Variants in MAPDA observed in about 807,000 individuals in gnomAD.
MAPDA encodes N6-Methyl-AMP deaminase, also known as N6,N6-dimethyl-AMP deaminase.
At chr15:43,348,018 G>T in the MAPDA span, among the ~76,000 whole-genome samples, 2 of 152,240 alleles carry the variant, frequency 1.3e-5, no homozygotes, top group Admixed American at 1.3e-4. Context: ...TAGCATGTGT[G>T]ACAGTGACCA....
chr15:43,350,942 ACT>A, the MAPDA span: 1 of 1,551,060 alleles, frequency 6.4e-7, no homozygotes, highest in Middle Eastern at 1.7e-4. Flanking sequence ...TTCATCTAGA[ACT>A]CTGTTTGACC....
chr15:43,353,289 AAACAAAAAAC>A, the MAPDA span: 1 of 151,702 alleles, frequency 6.6e-6, no homozygotes, highest in Non-Finnish European at 1.5e-5. Flanking sequence ...ACAAACAAAC[AAACAAAAAAC>A]AAAAACAAAA....
chr15:43,337,416 G>A, the MAPDA span, among the ~76,000 whole-genome samples: 1,544 of 152,260 alleles, frequency 0.01, 28 homozygotes, highest in African/African-American at 0.035. Context: ...AGCTTAGAGA[G>A]TAAGTGATTA....
the MAPDA span, among the ~76,000 whole-genome samples, chr15:43,343,989 C>T: frequency 6.6e-6 from 1 of 151,814 alleles, no homozygotes; most frequent in African/African-American, 2.4e-5. Flanking sequence ...TCATATATTA[C>T]AATACTGTTT....
chr15:43,333,775 C>A, the MAPDA span, among the ~76,000 whole-genome samples: 1 of 152,216 alleles, frequency 6.6e-6, no homozygotes, highest in East Asian at 1.9e-4. Context: ...TTGTCACATA[C>A]CTGTTAGGTT....
chr15:43,350,926 C>T, the MAPDA span: 1 of 1,542,994 alleles, frequency 6.5e-7, no homozygotes, highest in Non-Finnish European at 8.8e-7. Flanking sequence ...AGGTTTTTTT[C>T]CCCTTTTCAT....
chr15:43,342,921 A>T, the MAPDA span: 2 of 1,108,998 alleles, frequency 1.8e-6, no homozygotes, highest in Non-Finnish European at 2.6e-6. Flanking sequence ...AATTGTTCAT[A>T]TAGGATTGCT....
chr15:43,350,211 G>A, the MAPDA span, among the ~76,000 whole-genome samples: 4 of 150,650 alleles, frequency 2.7e-5, no homozygotes, highest in East Asian at 3.9e-4. Flanking sequence ...GACAACAGGC[G>A]CCTGCCACCA....
the MAPDA span, chr15:43,346,869 T>G: frequency 6.3e-6 from 4 of 633,204 alleles, no homozygotes; most frequent in Non-Finnish European, 8.2e-6. Context: ...GGCTCGCACA[T>G]TGTAGGTGCT....
At chr15:43,347,097 G>A in the MAPDA span, 2 of 1,610,780 alleles carry the variant, frequency 1.2e-6, no homozygotes, top group Non-Finnish European at 1.7e-6. Flanking sequence ...TCTTTCAGAG[G>A]TAAATAATAT....
At chr15:43,351,344 A>AG in the MAPDA span, 1 of 325,326 alleles carries the variant, frequency 3.1e-6, no homozygotes, top group Non-Finnish European at 5.6e-6. Flanking sequence ...AAAAAAAAAA[A>AG]GGGACTGGGA....
the MAPDA span, chr15:43,353,361 T>G: frequency 6.6e-6 from 1 of 152,196 alleles, no homozygotes; most frequent in Non-Finnish European, 1.5e-5. Context: ...GAATGTGTGT[T>G]TTTCCCTGGT....
chr15:43,337,968 A>T, the MAPDA span, among the ~76,000 whole-genome samples: 1 of 152,236 alleles, frequency 6.6e-6, no homozygotes, highest in South Asian at 2.1e-4. Flanking sequence ...CCAAAAGGGC[A>T]TTCTCTAAGC....
At chr15:43,342,689 G>T in the MAPDA span, among the ~76,000 whole-genome samples, 1 of 151,470 alleles carries the variant, frequency 6.6e-6, no homozygotes, top group Admixed American at 6.6e-5. Flanking sequence ...GACAAAGGTT[G>T]CAGTGAGGCA....
At chr15:43,349,082 C>G in the MAPDA span, 1 of 1,613,770 alleles carries the variant, frequency 6.2e-7, no homozygotes, top group South Asian at 1.1e-5. Flanking sequence ...AGATGACTCT[C>G]TGTCTCTCCC....
the MAPDA span, chr15:43,345,731 A>G: frequency 8.5e-7 from 1 of 1,171,242 alleles, no homozygotes; most frequent in Non-Finnish European, 1.2e-6. Context: ...AGATTCAGTC[A>G]GGCTATACTT....
chr15:43,350,223 G>A, the MAPDA span, among the ~76,000 whole-genome samples: 1 of 149,576 alleles, frequency 6.7e-6, no homozygotes, highest in Non-Finnish European at 1.5e-5. Flanking sequence ...CTGCCACCAC[G>A]CCCAGCTAAT....
At chr15:43,349,297 A>G in the MAPDA span, 1 of 1,207,482 alleles carries the variant, frequency 8.3e-7, no homozygotes, top group Admixed American at 4.0e-5. Flanking sequence ...GGAACTCAAT[A>G]AGAATTTTTT....
chr15:43,343,046 C>T, the MAPDA span: 1 of 1,586,604 alleles, frequency 6.3e-7, no homozygotes, highest in Non-Finnish European at 8.6e-7. Flanking sequence ...TAAAACAGTC[C>T]AAACAAGAAA....
Sources: gnomAD v4.1 joint callset for allele counts (sites outside exome capture counted in the v4.1 genomes callset) on GRCh38, gnomAD v4.1.1 for gene constraint, MANE v1.5 for transcripts, NCBI Gene and HGNC (gene_info 2026-07-23, HGNC 2026-07-21) for gene names.